The following CNTNAP2 variants were observed in gnomAD, a reference collection of about 807,000 sequenced individuals.
CNTNAP2 encodes the protein contactin associated protein 2.
Under a neutral mutation model 155.2 loss-of-function variants are expected in CNTNAP2, and 98 were observed. The ratio of observed to expected loss-of-function variants is 0.63; its 90% confidence interval spans 0.54 to 0.75. The LOEUF (loss-of-function observed/expected upper bound fraction) is 0.75, where lower values mean the gene tolerates loss of function less well. CNTNAP2 is among the 30% of genes least tolerant of loss of function. The pLI, the probability that CNTNAP2 is intolerant of heterozygous loss-of-function variation, is 0.00. For missense variants in CNTNAP2, 1,727 were observed against 1,688.1 expected (o/e 1.02, Z -0.40); for synonymous variants, 651 against 631.2 (o/e 1.03, Z -0.47).
intron 1 of CNTNAP2, among the ~76,000 whole-genome samples, chr7:146,627,152 T>C (rs545201812): frequency 5.3e-4 from 80 of 152,250 alleles, no homozygotes; most frequent in African/African-American, 1.8e-3. Flanking sequence ...GAAACTCCCA[T>C]GTTTTAAACC....
chr7:147,169,799 T>C (rs1402135017), intron 8 of CNTNAP2, among the ~76,000 whole-genome samples: 2 of 152,178 alleles, frequency 1.3e-5, no homozygotes, highest in African/African-American at 4.8e-5. Context: ...GTTTGGGTCT[T>C]TCTTAAAATT....
chr7:147,992,201 TCTC>T (rs777243565), intron 15 of CNTNAP2, among the ~76,000 whole-genome samples: 37 of 143,950 alleles, frequency 2.6e-4, no homozygotes, highest in Non-Finnish European at 3.6e-4. Flanking sequence ...CTCAAGCAAT[TCTC>T]CTGCCTCAGC....
chr7:146,483,304 T>TATATATATATATATATATATATATAC (rs1263119018), intron 1 of CNTNAP2, among the ~76,000 whole-genome samples: 9 of 105,248 alleles, frequency 8.6e-5, no homozygotes, highest in Non-Finnish European at 1.7e-4. Context: ...TATATATATA[T>TATATATATATATATATATATATATAC]ATATATATAT....
chr7:148,391,044 T>G (rs542825000), intron 22 of CNTNAP2, among the ~76,000 whole-genome samples: 1 of 152,306 alleles, frequency 6.6e-6, no homozygotes, highest in South Asian at 2.1e-4. Flanking sequence ...TGTCTTTCAG[T>G]CCTTCTGATT....
intron 14 of CNTNAP2, among the ~76,000 whole-genome samples, chr7:147,961,255 C>T (rs1166970235): frequency 6.6e-6 from 1 of 152,272 alleles, no homozygotes; most frequent in East Asian, 1.9e-4. Flanking sequence ...ATGTATCTTA[C>T]TATCTTCTGC....
rs1436807344 is a variant in CNTNAP2, at chr7:147,490,468, A to T, written c.1777+4427A>T. On this transcript the variant is annotated intron_variant, in intron 11 of 23. Coordinates refer to ENST00000361727, the MANE Select transcript of CNTNAP2 (RefSeq NM_014141.6). ...CGTGAGAGGCGCAGTGGATTTCAAC[A>T]GCCCATACCATGTTGTTGATAATCC... Among the ~76,000 whole-genome samples the T allele has an allele frequency of 2.0e-5, 3 of 152,212 alleles. No homozygotes were observed. In the East Asian group the frequency reaches 5.8e-4, roughly 29 times the overall value.
In CNTNAP2 at chr7:146,708,024, G is replaced by A. The variant is rs188994754; in HGVS notation, c.98-66247G>A. Among the ~76,000 whole-genome samples, 11 of 152,034 alleles carry A rather than the reference G, an allele frequency of 7.2e-5. No individual in the cohort carries two copies. The East Asian group carries it at 1.2e-3, about 16-fold the overall frequency. On this transcript the variant is annotated intron_variant, in intron 1 of 23. Transcript: ENST00000361727. ...TGTTACATGAGTGATGGGTTCTTAC[G>A]CCAAAAATAAAGTTACTATATTCAC... is the stretch of plus-strand genomic sequence containing the variant.
intron 17 of CNTNAP2, among the ~76,000 whole-genome samples, chr7:148,159,646 C>T (rs1805478798): frequency 6.6e-6 from 1 of 152,144 alleles, no homozygotes; most frequent in Non-Finnish European, 1.5e-5. Flanking sequence ...GTGAGGACGT[C>T]TTGTGTGTGT....
intron 21 of CNTNAP2, among the ~76,000 whole-genome samples, chr7:148,286,598 T>TAAA (rs11424873): frequency 2.1e-4 from 32 of 152,014 alleles, no homozygotes; most frequent in Admixed American, 5.9e-4. Flanking sequence ...TAAAACACGT[T>TAAA]AAAAAAAATC....
intron 12 of CNTNAP2, among the ~76,000 whole-genome samples, chr7:147,627,186 C>T (rs1794996041): frequency 6.6e-6 from 1 of 152,142 alleles, no homozygotes; most frequent in Non-Finnish European, 1.5e-5. Flanking sequence ...GAGTTTCAGA[C>T]CTCTCCACTG....
intron 1 of CNTNAP2, among the ~76,000 whole-genome samples, chr7:146,642,620 C>T (rs932160225): frequency 9.6e-4 from 146 of 151,762 alleles, no homozygotes; most frequent in African/African-American, 3.0e-3. Flanking sequence ...AATAAACATA[C>T]GTGTGCATGT....
chr7:148,382,937 T>A (rs1406423318), intron 21 of CNTNAP2, among the ~76,000 whole-genome samples: 1 of 152,228 alleles, frequency 6.6e-6, no homozygotes, highest in Admixed American at 6.5e-5. Context: ...ACTTGTTACC[T>A]TGGAAATGCC....
intron 13 of CNTNAP2, among the ~76,000 whole-genome samples, chr7:147,738,641 T>C (rs1796899348): frequency 7.0e-6 from 1 of 143,280 alleles, no homozygotes; most frequent in African/African-American, 2.6e-5. Flanking sequence ...CAGTATAATG[T>C]AAACATAACT....
intron 13 of CNTNAP2, among the ~76,000 whole-genome samples, chr7:147,810,380 T>G (rs1798160865): frequency 6.6e-6 from 1 of 151,736 alleles, no homozygotes; most frequent in African/African-American, 2.4e-5. Flanking sequence ...TATTTTCACT[T>G]TTCTGTACTA....
intron 11 of CNTNAP2, among the ~76,000 whole-genome samples, chr7:147,486,482 C>G (rs938332634): frequency 1.3e-5 from 2 of 151,980 alleles, no homozygotes; most frequent in South Asian, 4.2e-4. Flanking sequence ...ATGCTTTAGC[C>G]CAACTATTTG....
intron 15 of CNTNAP2, among the ~76,000 whole-genome samples, chr7:148,000,483 G>T (rs1419275639): frequency 6.6e-6 from 1 of 152,086 alleles, no homozygotes; most frequent in East Asian, 1.9e-4. Context: ...GTCCATGAAG[G>T]TCATATTATT....
At chr7:147,051,042 C>G (rs1799461505) in intron 4 of CNTNAP2, among the ~76,000 whole-genome samples, 1 of 152,000 alleles carries the variant, frequency 6.6e-6, no homozygotes, top group Non-Finnish European at 1.5e-5. Flanking sequence ...GAATTAGGAT[C>G]TACCCTAAAC....
intron 20 of CNTNAP2, among the ~76,000 whole-genome samples, chr7:148,254,981 A>G (rs1005030797): frequency 2.0e-5 from 3 of 152,124 alleles, no homozygotes; most frequent in Admixed American, 1.3e-4. Flanking sequence ...TCAGGGAAAA[A>G]ATGCCATATA....
chr7:146,530,033 A>G (rs1406678337), intron 1 of CNTNAP2, among the ~76,000 whole-genome samples: 1 of 152,114 alleles, frequency 6.6e-6, no homozygotes, highest in Non-Finnish European at 1.5e-5. Context: ...AAAAGGGGAA[A>G]TTCCTCTTGT....
Sources: allele counts gnomAD v4.1 joint callset (sites outside exome capture counted in the v4.1 genomes callset), GRCh38; gene constraint gnomAD v4.1.1; transcripts MANE v1.5; gene names NCBI Gene and HGNC (gene_info 2026-07-23, HGNC 2026-07-21).